CAPS2: variants seen among roughly 807,000 people sequenced by gnomAD.
CAPS2 encodes calcyphosine 2, also known as calcyphosin-2.
A neutral mutation model predicts 86.5 loss-of-function variants in CAPS2; 98 were observed. The ratio of observed to expected loss-of-function variants is 1.13; its 90% CI spans 0.96 to 1.34. The LOEUF (loss-of-function observed/expected upper bound fraction) is 1.34. Among genes scored for constraint, CAPS2 ranks in the 40% most tolerant of loss-of-function variants. The probability of loss-of-function intolerance (pLI) is 0.00; values close to 1 mark genes in which losing one functional copy is unlikely to be tolerated. For missense variants in CAPS2, 729 were observed against 686.8 expected (o/e 1.06, Z -0.69); for synonymous variants, 210 against 225.1 (o/e 0.93, Z 0.60).
chr12:75,358,731 T>C (rs1462916989), intron 1 of CAPS2, among the ~76,000 whole-genome samples: 3 of 145,592 alleles, frequency 2.1e-5, no homozygotes, highest in Non-Finnish European at 4.5e-5. Flanking sequence ...TAATATATTA[T>C]ATATATGGTT....
At chr12:75,369,843 A>G in intron 1 of CAPS2, 2 of 1,332,148 alleles carry the variant, frequency 1.5e-6, no homozygotes, top group South Asian at 2.1e-5. Context: ...TTTTCTTGTT[A>G]AAAAGTCAAA....
chr12:75,292,185 G>A (rs1027766595), intron 12 of CAPS2, among the ~76,000 whole-genome samples: 8 of 152,028 alleles, frequency 5.3e-5, no homozygotes, highest in African/African-American at 1.9e-4. Context: ...TCTCACCTTA[G>A]CCTTGTGAGT....
intron 1 of CAPS2, among the ~76,000 whole-genome samples, chr12:75,387,479 C>T (rs2045350977): frequency 6.6e-6 from 1 of 152,186 alleles, no homozygotes; most frequent in African/African-American, 2.4e-5. Context: ...GGCACAGCCA[C>T]TTTGGAACAT....
rs189767184 is a variant in CAPS2, at chr12:75,335,532, G to A, written c.-394-12310C>T. On this transcript the variant is annotated intron_variant, in intron 1 of 5. Transcript: ENST00000551829. ...TAAATGCATCACTATGAGCATAAAC[G>A]TTGATAGTATTAGTCTATTTTATGT... Among the ~76,000 whole-genome samples the A allele has an allele frequency of 6.4e-4, 98 of 152,228 alleles. 1 individual carries two copies. The East Asian group carries it at 0.012, about 18-fold the overall frequency.
intron 11 of CAPS2, among the ~76,000 whole-genome samples, chr12:75,294,282 GTTGAA>G (rs1284148591): frequency 6.6e-6 from 1 of 152,138 alleles, no homozygotes; most frequent in African/African-American, 2.4e-5. Flanking sequence ...AATTCTGCCT[GTTGAA>G]TATAAAGGAA....
intron 1 of CAPS2, among the ~76,000 whole-genome samples, chr12:75,385,716 A>G (rs565649778): frequency 9.3e-4 from 142 of 152,266 alleles, no homozygotes; most frequent in African/African-American, 3.1e-3. Flanking sequence ...GAATCAACAA[A>G]CTCCTGAAAC....
chr12:75,382,517 G>A (rs971690619), intron 1 of CAPS2, among the ~76,000 whole-genome samples: 2 of 152,098 alleles, frequency 1.3e-5, no homozygotes, highest in Admixed American at 1.3e-4. Context: ...GTGCATGCCT[G>A]TAGTCCCAGC....
At chr12:75,347,695 C>G (rs1470865356) in intron 1 of CAPS2, 1 of 1,603,922 alleles carries the variant, frequency 6.2e-7, no homozygotes, top group Non-Finnish European at 8.5e-7. Flanking sequence ...GCTTCAACTG[C>G]AATATTTGTA....
chr12:75,304,974 T>A (rs754290922), intron 7 of CAPS2, 98 bp from the exon 8 acceptor site: 44 of 976,968 alleles, frequency 4.5e-5, no homozygotes, highest in Non-Finnish European at 6.2e-5. Flanking sequence ...ATATACCAAA[T>A]GCAAATTTAC....
intron 1 of CAPS2, among the ~76,000 whole-genome samples, chr12:75,383,736 G>A (rs188510831): frequency 2.4e-4 from 36 of 152,068 alleles, no homozygotes; most frequent in Non-Finnish European, 7.4e-5. Flanking sequence ...ATATATTCTC[G>A]AGCTCATATG....
chr12:75,335,242 C>A (rs894296005), intron 1 of CAPS2, among the ~76,000 whole-genome samples: 1 of 152,006 alleles, frequency 6.6e-6, no homozygotes, highest in Non-Finnish European at 1.5e-5. Flanking sequence ...TTCCACCCCC[C>A]ACAACCAAGA....
chr12:75,309,606 T>A (rs1299859082), intron 7 of CAPS2, among the ~76,000 whole-genome samples: 4 of 152,188 alleles, frequency 2.6e-5, no homozygotes, highest in Non-Finnish European at 5.9e-5. Flanking sequence ...CCTTCAAAAC[T>A]ATGAAAATGA....
At chr12:75,338,970 C>T (rs1025861908) in intron 1 of CAPS2, among the ~76,000 whole-genome samples, 2 of 152,114 alleles carry the variant, frequency 1.3e-5, no homozygotes, top group African/African-American at 4.8e-5. Context: ...CATGGTGTGT[C>T]TGTAGCACAT....
At chr12:75,368,616 C>T (rs2044152603) in intron 1 of CAPS2, among the ~76,000 whole-genome samples, 1 of 151,558 alleles carries the variant, frequency 6.6e-6, no homozygotes, top group Non-Finnish European at 1.5e-5. Context: ...CAAATTTTTG[C>T]ATTTATTTTT....
chr12:75,371,534 T>C, intron 1 of CAPS2: 1 of 277,066 alleles, frequency 3.6e-6, no homozygotes. Context: ...CTTGTCTACT[T>C]GAAAAATACA....
At chr12:75,321,715 G>A in intron 4 of CAPS2, 139 bp from the exon 5 acceptor site, 2 of 662,126 alleles carry the variant, frequency 3.0e-6, no homozygotes, top group Non-Finnish European at 5.2e-6. Context: ...AGCAGAGATG[G>A]TATTTAAGAC....
intron 1 of CAPS2, chr12:75,370,151 G>A: frequency 6.3e-7 from 1 of 1,588,658 alleles, no homozygotes; most frequent in Non-Finnish European, 8.6e-7. Flanking sequence ...TTCAGCTTAG[G>A]TTTTCTTCTT....
At chr12:75,381,614 GTT>G (rs34705874) in intron 1 of CAPS2, among the ~76,000 whole-genome samples, 22,701 of 86,824 alleles carry the variant, frequency 0.26, 996 homozygotes, top group East Asian at 0.38. Flanking sequence ...TTTCTTAAGT[GTT>G]TTTTTTTTTT....
At chr12:75,283,813 CA>C (rs1470297894) in intron 15 of CAPS2, among the ~76,000 whole-genome samples, 1 of 151,784 alleles carries the variant, frequency 6.6e-6, no homozygotes, top group Non-Finnish European at 1.5e-5. Flanking sequence ...GACTCCACCT[CA>C]AAAAAATAAA....
Sources: allele counts gnomAD v4.1 joint callset (sites outside exome capture counted in the v4.1 genomes callset), GRCh38; gene constraint gnomAD v4.1.1; transcripts MANE v1.5; gene names NCBI Gene and HGNC (gene_info 2026-07-23, HGNC 2026-07-21).